Variants in ALK observed in about 807,000 individuals in gnomAD.
ALK encodes the protein ALK tyrosine kinase receptor.
A neutral mutation model predicts 163.1 loss-of-function variants in ALK; 74 were observed. That is an observed-to-expected ratio of 0.45 (90% confidence interval 0.38 to 0.55). The LOEUF is 0.55. Ranked by LOEUF, ALK falls within the 20% of genes least tolerant of loss-of-function variation. The pLI is 0.00. For missense variants in ALK, 2,063 were observed against 2,105.3 expected (o/e 0.98, Z 0.39); for synonymous variants, 960 against 843.2 (o/e 1.14, Z -2.40).
intron 3 of ALK, among the ~76,000 whole-genome samples, chr2:29,603,565 C>G (rs999901416): frequency 6.6e-6 from 1 of 151,982 alleles, no homozygotes; most frequent in African/African-American, 2.4e-5. Context: ...TGACTGACCC[C>G]CTCCTTCCCA....
At chr2:29,664,560 T>A (rs1445714312) in intron 3 of ALK, among the ~76,000 whole-genome samples, 1 of 152,126 alleles carries the variant, frequency 6.6e-6, no homozygotes, top group African/African-American at 2.4e-5. Flanking sequence ...AAAGAAGGGC[T>A]GGTCAAGTTA....
chr2:29,252,539 A>G lies in ALK; in HGVS notation c.2042-1272T>C, dbSNP rs72852060. On this transcript the variant is annotated intron_variant, in intron 11 of 28. Transcript: ENST00000389048. Reference sequence around the variant, plus strand: ...TTATAAGCAATAGATTGAGACTGCCATGGGCAGGGTTGCTAATCTGAAAAC... The same window carrying G: ...TTATAAGCAATAGATTGAGACTGCCGTGGGCAGGGTTGCTAATCTGAAAAC... Among the ~76,000 whole-genome samples the G allele has an allele frequency of 3.6e-3, 541 of 152,312 alleles. 2 individuals are homozygous for G. Among genetic ancestry groups the G allele is most frequent in the African/African-American group, 0.012 (479 of 41,582 alleles).
intron 5 of ALK, among the ~76,000 whole-genome samples, chr2:29,367,248 T>C (rs78045192): frequency 0.072 from 10,951 of 152,246 alleles, 515 homozygotes; most frequent in Non-Finnish European, 0.11. Flanking sequence ...AAGGTTCCAG[T>C]GTATTGAGAA....
intron 4 of ALK, among the ~76,000 whole-genome samples, chr2:29,522,560 C>T (rs1672842884): frequency 6.6e-6 from 1 of 151,942 alleles, no homozygotes; most frequent in South Asian, 2.1e-4. Context: ...TCCCTGTTGA[C>T]TGTAGGGAGA....
chr2:29,515,786 CA>C (rs1165078900), intron 4 of ALK, among the ~76,000 whole-genome samples: 1 of 152,172 alleles, frequency 6.6e-6, no homozygotes, highest in Non-Finnish European at 1.5e-5. Flanking sequence ...ACGGAAGATG[CA>C]GATGTAACTA....
intron 24 of ALK, among the ~76,000 whole-genome samples, chr2:29,211,645 G>C (rs1419460640): frequency 6.6e-6 from 1 of 152,224 alleles, no homozygotes; most frequent in Non-Finnish European, 1.5e-5. Flanking sequence ...AATCTTAAGA[G>C]CAGATAAAGG....
intron 4 of ALK, among the ~76,000 whole-genome samples, chr2:29,505,349 CT>C (rs1672290656): frequency 6.6e-6 from 1 of 152,164 alleles, no homozygotes; most frequent in East Asian, 1.9e-4. Flanking sequence ...AGTGAATGTG[CT>C]ATCTCAAGAT....
At chr2:29,219,193 T>C (rs1053627270) in intron 23 of ALK, among the ~76,000 whole-genome samples, 26 of 152,180 alleles carry the variant, frequency 1.7e-4, no homozygotes, top group African/African-American at 5.8e-4. Flanking sequence ...TGATGAGGGC[T>C]CTTATGAGAC....
At chr2:29,650,713 T>C (rs1677014026) in intron 3 of ALK, among the ~76,000 whole-genome samples, 1 of 152,144 alleles carries the variant, frequency 6.6e-6, no homozygotes, top group Admixed American at 6.5e-5. Flanking sequence ...CGATGAGGTC[T>C]CCGTGTTAAC....
chr2:29,381,460 G>C (rs1000009257), intron 5 of ALK, among the ~76,000 whole-genome samples: 4 of 152,238 alleles, frequency 2.6e-5, no homozygotes, highest in Non-Finnish European at 4.4e-5. Context: ...CCAATGCGGG[G>C]AGAATTGTCC....
chr2:29,849,193 C>T (rs1665931681), intron 1 of ALK, among the ~76,000 whole-genome samples: 1 of 152,240 alleles, frequency 6.6e-6, no homozygotes, highest in Admixed American at 6.5e-5. Context: ...CCACCAGCTG[C>T]TCTGGGGACC....
intron 4 of ALK, among the ~76,000 whole-genome samples, chr2:29,406,624 A>G (rs535312353): frequency 6.6e-6 from 1 of 152,146 alleles, no homozygotes; most frequent in Non-Finnish European, 1.5e-5. Flanking sequence ...AAACAAGGCC[A>G]GGTGCGGTGG....
At chr2:29,541,527 G>A (rs1573442341) in intron 3 of ALK, among the ~76,000 whole-genome samples, 4 of 152,302 alleles carry the variant, frequency 2.6e-5, no homozygotes, top group Non-Finnish European at 2.9e-5. Context: ...CTGACCTCAA[G>A]TGATCCACCT....
At chr2:29,505,385 G>A (rs571968126) in intron 4 of ALK, among the ~76,000 whole-genome samples, 1 of 152,336 alleles carries the variant, frequency 6.6e-6, no homozygotes, top group South Asian at 2.1e-4. Flanking sequence ...TGGGGGCGGT[G>A]AGCTTCCTGT....
intron 3 of ALK, among the ~76,000 whole-genome samples, chr2:29,634,112 T>G (rs1676456377): frequency 9.2e-6 from 1 of 109,060 alleles, no homozygotes; most frequent in African/African-American, 2.8e-5. Context: ...GGATGACTGG[T>G]GCACATTTTT....
chr2:29,201,860 T>C (rs1669189684), intron 26 of ALK, among the ~76,000 whole-genome samples: 1 of 152,120 alleles, frequency 6.6e-6, no homozygotes, highest in Non-Finnish European at 1.5e-5. Flanking sequence ...CGCTCTCCTG[T>C]TTCTCTCAGC....
chr2:29,765,863 C>T (rs1283285720), intron 1 of ALK, among the ~76,000 whole-genome samples: 2 of 152,046 alleles, frequency 1.3e-5, no homozygotes, highest in African/African-American at 4.8e-5. Flanking sequence ...TTCCACTTGG[C>T]TTATTTCATG....
At position 29,227,737 on chromosome 2, in the gene ALK, A is replaced by G; in HGVS notation, c.2816-65T>C. 3 of 1,280,868 alleles carry G rather than the reference A, an allele frequency of 2.3e-6. No homozygotes were observed. The highest frequency in any genetic ancestry group is 3.4e-6 in the Non-Finnish European group (3 of 878,636). The allele number at this position is 1,280,868 out of a possible 1,614,324, so 79.3% of individuals were successfully genotyped here. ...GGTGCCAAAATCTTAACACACACACACGTCAGTGGGGCATGCAGCTCTGGC... is the reference window on the plus strand; with the variant it reads ...GGTGCCAAAATCTTAACACACACACGCGTCAGTGGGGCATGCAGCTCTGGC... On this transcript the variant is annotated intron_variant, in intron 16 of 28. Transcript: ENST00000389048. This position sits in a 1 kb window ranked among gnomAD's most constrained non-coding sequence, Gnocchi z 4.4.
At chr2:29,392,858 T>G (rs1428668241) in intron 4 of ALK, among the ~76,000 whole-genome samples, 1 of 152,224 alleles carries the variant, frequency 6.6e-6, no homozygotes, top group Non-Finnish European at 1.5e-5. Flanking sequence ...CCTCTGAATG[T>G]TCAAGGTTGC....
Sources: allele counts gnomAD v4.1 joint callset (sites outside exome capture counted in the v4.1 genomes callset), GRCh38; gene constraint gnomAD v4.1.1; non-coding constraint Gnocchi (gnomAD v3.1); transcripts MANE v1.5; gene names NCBI Gene and HGNC (gene_info 2026-07-23, HGNC 2026-07-21).